The following RGS6 variants were observed in gnomAD, a reference collection of about 807,000 sequenced individuals.
RGS6 encodes regulator of G-protein signaling 6.
Under a neutral mutation model 78.5 loss-of-function variants are expected in RGS6, and 30 were observed. That is an observed-to-expected ratio of 0.38 (90% confidence interval 0.29 to 0.52). RGS6 has a LOEUF of 0.52. Ranked by LOEUF, RGS6 falls within the 20% of genes least tolerant of loss-of-function variation. The probability of loss-of-function intolerance (pLI) is 0.85; values close to 1 mark genes in which losing one functional copy is unlikely to be tolerated. For synonymous variants in RGS6, 206 were observed against 206.0 expected (o/e 1.00, Z 0.00); for missense variants, 495 against 609.7 (o/e 0.81, Z 1.98).
chr14:71,979,453 G>T (rs894709736), intron 2 of RGS6, among the ~76,000 whole-genome samples: 28 of 151,600 alleles, frequency 1.8e-4, no homozygotes, highest in African/African-American at 6.1e-4. Flanking sequence ...CAGAGATTCT[G>T]GTATGTTGTG....
chr14:72,379,165 T>C (rs1382617061), intron 3 of RGS6, among the ~76,000 whole-genome samples: 1 of 152,036 alleles, frequency 6.6e-6, no homozygotes, highest in Non-Finnish European at 1.5e-5. Flanking sequence ...ATTAAGATGG[T>C]ATAGAAGGAA....
chr14:71,869,506 G>T, the RGS6 span, among the ~76,000 whole-genome samples: 1 of 152,302 alleles, frequency 6.6e-6, no homozygotes, highest in South Asian at 2.1e-4. Flanking sequence ...TCTAAACACT[G>T]TTGCTACAGT....
rs2093422646 is a variant in RGS6, at chr14:71,964,894, T to G, written c.84+19T>G. The G allele has an allele frequency of 6.3e-7, 1 of 1,599,942 alleles. No individual in the cohort carries two copies. The highest frequency in any genetic ancestry group is 2.2e-5 in the East Asian group (1 of 44,832). On this transcript the variant is annotated intron_variant, in intron 2 of 17. Coordinates refer to ENST00000553525, the MANE Select transcript of RGS6 (RefSeq NM_001204424.2). ...CTGCAAAGTAAGGCGCCTGGTCAAG[T>G]GCCGTGCGTGCTGTCCGTGTGGACT... is the stretch of plus-strand genomic sequence containing the variant.
chr14:72,279,489 G>T (rs191376752), intron 2 of RGS6, among the ~76,000 whole-genome samples: 192 of 152,240 alleles, frequency 1.3e-3, no homozygotes, highest in Non-Finnish European at 1.8e-3. Context: ...GGTCTCTTTG[G>T]CCTACTCTGC....
intron 2 of RGS6, among the ~76,000 whole-genome samples, chr14:72,185,203 C>T (rs781664382): frequency 2.6e-5 from 4 of 152,074 alleles, no homozygotes; most frequent in Non-Finnish European, 5.9e-5. Context: ...GCTGTGCTGG[C>T]AGTTGATTAG....
chr14:71,920,759 G>A, the RGS6 span, among the ~76,000 whole-genome samples: 3 of 152,140 alleles, frequency 2.0e-5, no homozygotes, highest in Admixed American at 1.3e-4. Context: ...AAATACTTTT[G>A]TCTTACTAGA....
At chr14:72,194,393 C>T (rs530181042) in intron 2 of RGS6, among the ~76,000 whole-genome samples, 6 of 152,216 alleles carry the variant, frequency 3.9e-5, no homozygotes, top group South Asian at 2.1e-4. Flanking sequence ...TTTGTTGAAA[C>T]GAGGCCTTGC....
At chr14:72,616,090 C>T in the RGS6 span, among the ~76,000 whole-genome samples, 2 of 152,140 alleles carry the variant, frequency 1.3e-5, no homozygotes, top group African/African-American at 4.8e-5. Context: ...ATGCCAGACC[C>T]GGGCCAGGAT....
rs1468172936 is a variant in RGS6 at position 72,402,788 on chromosome 14, TG to T, written c.184+50596del. ...TTTTGTTTTATATTTTTTGTTTTTT[TG>T]GTTTTTTTTTTTTTTTTTTTTTTTT... On this transcript the variant is annotated intron_variant, in intron 3 of 17. Coordinates refer to ENST00000553525, the MANE Select transcript of RGS6 (RefSeq NM_001204424.2). Among the ~76,000 whole-genome samples the T allele has an allele frequency of 1.2e-4, 17 of 142,944 alleles. No individual in the cohort carries two copies. In the South Asian group the frequency reaches 1.8e-3, roughly 15 times the overall value. 93.8% of individuals were successfully genotyped at this position (142,944 alleles called of 152,430 possible).
At chr14:72,244,907 C>T (rs572580403) in intron 2 of RGS6, among the ~76,000 whole-genome samples, 1 of 152,048 alleles carries the variant, frequency 6.6e-6, no homozygotes, top group African/African-American at 2.4e-5. Flanking sequence ...TCACAGCAGC[C>T]TGCACCTCCT....
chr14:71,990,886 G>A (rs1183368488), intron 2 of RGS6: 1 of 455,590 alleles, frequency 2.2e-6, no homozygotes, highest in African/African-American at 2.0e-5. Context: ...CTCCTTCTGA[G>A]CTTCAGTGCT....
At chr14:72,014,854 C>T (rs180865549) in intron 2 of RGS6, among the ~76,000 whole-genome samples, 38 of 152,288 alleles carry the variant, frequency 2.5e-4, no homozygotes, top group Non-Finnish European at 5.1e-4. Context: ...TGCCTTCTCC[C>T]CTTTTTCCAT....
At chr14:72,178,777 T>G (rs745944531) in intron 2 of RGS6, among the ~76,000 whole-genome samples, 2 of 152,188 alleles carry the variant, frequency 1.3e-5, no homozygotes, top group Admixed American at 6.5e-5. Flanking sequence ...GTAGTGAACA[T>G]CTCAGGTAAT....
chr14:72,310,264 A>T (rs776323566), intron 2 of RGS6, among the ~76,000 whole-genome samples: 1 of 152,230 alleles, frequency 6.6e-6, no homozygotes, highest in Non-Finnish European at 1.5e-5. Context: ...CACTAGAGAT[A>T]CAGCAGCAGC....
chr14:72,538,228 C>T (rs182798571), intron 16 of RGS6, among the ~76,000 whole-genome samples: 3 of 152,268 alleles, frequency 2.0e-5, no homozygotes, highest in Admixed American at 6.5e-5. Flanking sequence ...ACGGGTTCAC[C>T]GTATCCAGGT....
intron 2 of RGS6, among the ~76,000 whole-genome samples, chr14:72,231,997 T>C (rs1346801733): frequency 1.3e-5 from 2 of 152,156 alleles, no homozygotes; most frequent in Non-Finnish European, 2.9e-5. Flanking sequence ...AGGGCCGTTT[T>C]GGAGGCCGTA....
At chr14:72,547,827 G>A (rs937685049) in intron 17 of RGS6, among the ~76,000 whole-genome samples, 29 of 152,250 alleles carry the variant, frequency 1.9e-4, no homozygotes, top group Admixed American at 7.2e-4. Flanking sequence ...GGCCACATAC[G>A]GGAATGGGCC....
intron 2 of RGS6, among the ~76,000 whole-genome samples, chr14:72,257,783 G>C (rs1406914235): frequency 6.6e-6 from 1 of 152,164 alleles, no homozygotes; most frequent in Non-Finnish European, 1.5e-5. Context: ...AAAGAAGGGT[G>C]ACCTGTCCAG....
intron 2 of RGS6, among the ~76,000 whole-genome samples, chr14:72,278,349 G>C (rs545045108): frequency 2.0e-5 from 3 of 152,316 alleles, no homozygotes; most frequent in South Asian, 2.1e-4. Context: ...TGGGGAGGCA[G>C]ATGAGAAGAG....
Sources: allele counts gnomAD v4.1 joint callset (sites outside exome capture counted in the v4.1 genomes callset), GRCh38; gene constraint gnomAD v4.1.1; transcripts MANE v1.5; gene names NCBI Gene and HGNC (gene_info 2026-07-23, HGNC 2026-07-21).